RTL4: variants seen among roughly 807,000 people sequenced by gnomAD.
RTL4 encodes retrotransposon Gag-like protein 4.
In RTL4, 4 loss-of-function variants were observed where a neutral mutation model predicts 5.3. The ratio of observed to expected loss-of-function variants is 0.75; its 90% CI spans 0.37 to 1.72. RTL4 has a LOEUF of 1.72. RTL4 is among the 40% of genes most tolerant of loss of function. The probability of loss-of-function intolerance (pLI) is 0.04; values close to 1 mark genes in which losing one functional copy is unlikely to be tolerated. For synonymous variants in RTL4, 98 were observed against 87.3 expected (o/e 1.12, Z -0.68); for missense variants, 260 against 227.1 (o/e 1.14, Z -0.93).
the RTL4 span, among the ~76,000 whole-genome samples, chrX:112,310,419 A>C: frequency 8.9e-3 from 209 of 23,563 alleles, 4 homozygotes; most frequent in African/African-American, 0.026. Context: ...TATATATTTA[A>C]TATAATATAC....
chrX:112,362,607 C>G, the RTL4 span, among the ~76,000 whole-genome samples: 1 of 110,661 alleles, frequency 9.0e-6, no homozygotes, highest in African/African-American at 3.3e-5. Context: ...GCAAAATGAC[C>G]AACGGAGAGA....
chrX:112,439,001 G>A, the RTL4 span, among the ~76,000 whole-genome samples: 1 of 111,684 alleles, frequency 9.0e-6, no homozygotes, highest in African/African-American at 3.3e-5. Context: ...AATAAACTCT[G>A]GGGGAAACCA....
the RTL4 span, among the ~76,000 whole-genome samples, chrX:112,329,098 A>G: frequency 9.0e-6 from 1 of 110,775 alleles, no homozygotes; most frequent in African/African-American, 3.3e-5. Context: ...AATTAAAAGA[A>G]CTAGAAAAGC....
the RTL4 span, among the ~76,000 whole-genome samples, chrX:112,096,128 T>A: frequency 8.9e-6 from 1 of 112,322 alleles, no homozygotes; most frequent in Non-Finnish European, 1.9e-5. Context: ...CCAAGTTATG[T>A]AGCCTCTGTG....
At chrX:112,419,953 A>C in the RTL4 span, among the ~76,000 whole-genome samples, 1 of 110,675 alleles carries the variant, frequency 9.0e-6, no homozygotes, top group South Asian at 3.8e-4. Flanking sequence ...AAAGCAGAGA[A>C]AATTACATTC....
chrX:112,311,204 T>C, the RTL4 span, among the ~76,000 whole-genome samples: 2 of 110,216 alleles, frequency 1.8e-5, no homozygotes, highest in South Asian at 7.6e-4. Context: ...AGGCATTGTG[T>C]GTGATAAGGC....
the RTL4 span, among the ~76,000 whole-genome samples, chrX:112,334,122 G>A: frequency 9.0e-6 from 1 of 111,625 alleles, no homozygotes; most frequent in Non-Finnish European, 1.9e-5. Flanking sequence ...GTTGTTGCAA[G>A]TGACAAGATC....
the RTL4 span, among the ~76,000 whole-genome samples, chrX:112,201,697 T>C: frequency 1.8e-5 from 2 of 111,063 alleles, no homozygotes; most frequent in African/African-American, 6.5e-5. Context: ...TCCTTTTGTG[T>C]GAGAAATGCA....
the RTL4 span, among the ~76,000 whole-genome samples, chrX:112,125,993 C>T: frequency 6.3e-5 from 7 of 111,410 alleles, no homozygotes; most frequent in Non-Finnish European, 1.1e-4. Flanking sequence ...ACAGGGCCGG[C>T]GGCCTAAGGT....
chrX:112,374,612 A>G, the RTL4 span, among the ~76,000 whole-genome samples: 22 of 112,118 alleles, frequency 2.0e-4, no homozygotes, highest in Admixed American at 2.8e-4. Flanking sequence ...CTTCCAATCC[A>G]TGAACACGTA....
the RTL4 span, among the ~76,000 whole-genome samples, chrX:112,393,933 A>G: frequency 1.7e-4 from 19 of 111,775 alleles, no homozygotes; most frequent in African/African-American, 5.9e-4. Flanking sequence ...GGAAGCCTGG[A>G]AAGCCTGTGT....
chrX:112,317,066 G>T, the RTL4 span, among the ~76,000 whole-genome samples: 1 of 111,855 alleles, frequency 8.9e-6, no homozygotes. Flanking sequence ...AGCAAATAAT[G>T]TCTAAACCTT....
At chrX:112,265,111 C>A in the RTL4 span, among the ~76,000 whole-genome samples, 4 of 112,608 alleles carry the variant, frequency 3.6e-5, no homozygotes, top group South Asian at 1.1e-3. Flanking sequence ...CAGTAGTGGC[C>A]CTCTTGGCAG....
chrX:112,453,623 A>G (rs907885761), upstream of RTL4, among the ~76,000 whole-genome samples: 1 of 111,954 alleles, frequency 8.9e-6, no homozygotes, highest in Admixed American at 9.5e-5. Context: ...ACAGCAATGC[A>G]GGCTAGTCTT....
chrX:112,181,178 C>T, the RTL4 span, among the ~76,000 whole-genome samples: 3 of 112,092 alleles, frequency 2.7e-5, no homozygotes, highest in Non-Finnish European at 5.6e-5. Flanking sequence ...GTGGTCTTCA[C>T]AACCTGCAGA....
the RTL4 span, among the ~76,000 whole-genome samples, chrX:112,275,497 C>T: frequency 8.9e-6 from 1 of 112,081 alleles, no homozygotes; most frequent in South Asian, 3.7e-4. Context: ...GGTTCAAATG[C>T]AAGCCCTGAA....
At chrX:112,216,093 A>T in the RTL4 span, among the ~76,000 whole-genome samples, 1 of 111,920 alleles carries the variant, frequency 8.9e-6, no homozygotes, top group Non-Finnish European at 1.9e-5. Context: ...AATAATCTTT[A>T]AAAATTATAG....
At chrX:112,116,689 T>G in the RTL4 span, among the ~76,000 whole-genome samples, 1 of 111,559 alleles carries the variant, frequency 9.0e-6, no homozygotes, top group Admixed American at 9.6e-5. Flanking sequence ...TACAGAGTGC[T>G]GATTGGTCCA....
chrX:112,304,639 C>CTTTTTT, the RTL4 span, among the ~76,000 whole-genome samples: 1 of 48,360 alleles, frequency 2.1e-5, no homozygotes, highest in Non-Finnish European at 3.7e-5. Context: ...TTTCCCACAT[C>CTTTTTT]TTTTTTTTTT....
Sources: allele counts gnomAD v4.1 joint callset (sites outside exome capture counted in the v4.1 genomes callset), GRCh38; gene constraint gnomAD v4.1.1; transcripts MANE v1.5; gene names NCBI Gene and HGNC (gene_info 2026-07-23, HGNC 2026-07-21).